The following MUC5AC variants were observed in gnomAD, a reference collection of about 807,000 sequenced individuals.
The protein encoded by MUC5AC is mucin 5AC, oligomeric mucus/gel-forming, also known as mucin-5AC.
Under a neutral mutation model 169.7 loss-of-function variants are expected in MUC5AC, and 158 were observed. That is an observed-to-expected ratio of 0.93 (90% CI 0.82 to 1.06). The LOEUF is 1.06. Ranked by LOEUF, MUC5AC falls within the 50% of genes least tolerant of loss-of-function variation. MUC5AC has a pLI of 0.00. For synonymous variants in MUC5AC, 1,975 were observed against 1,237.0 expected (o/e 1.60, Z -12.52); for missense variants, 4,359 against 3,089.9 (o/e 1.41, Z -9.74).
Position 1,191,601 on chromosome 11 carries a change from A to G in MUC5AC, c.13456A>G (p.Thr4486Ala), listed in dbSNP as rs1861100012. 1.4e-6 allele frequency: 1 copy of G among 720,666 alleles called. No homozygotes were observed. 44.6% of individuals were successfully genotyped at this position (720,666 alleles called of 1,614,324 possible). Residue 4486 changes from threonine (T) to alanine (A), a missense_variant, in exon 31 of 49, where the codon ACC becomes GCC. Thr to Ala is a moderately conservative substitution (Grantham distance 58). Coordinates refer to ENST00000621226, the MANE Select transcript of MUC5AC (RefSeq NM_001304359.2). ...GPGTTPSPVP[T>A]TSTTSAPTTS... ...TGGAACTACTCCCAGCCCTGTTCCC[A>G]CCACCAGCACAACCTCTGCTCCTAC...
In MUC5AC at chr11:1,169,031, G is replaced by A. The variant is rs569442251; in HGVS notation, c.1870+5G>A. 1.3e-4 allele frequency: 202 copies of A among 1,563,350 alleles called. No individual in the cohort carries two copies. The highest frequency in any genetic ancestry group is 9.7e-4 in the Admixed American group (52 of 53,700). On this transcript the variant is annotated splice_donor_5th_base_variant and intron_variant, in intron 15 of 48. Coordinates refer to ENST00000621226, the MANE Select transcript of MUC5AC (RefSeq NM_001304359.2). ...GCTCTCTGAGCGTGGAGAATGGTAC[G>A]GGTGTCCACGGCTCGCCTCTGTGCT...
In MUC5AC at chr11:1,164,247, C is replaced by A. The variant is rs1860236386; in HGVS notation, c.931C>A (p.Leu311Ile). The stretch of plus-strand genomic sequence containing the variant: ...CCTGCTCAGCTGCGTCTGCCACACC[C>A]TTGCCGAGTACTCCCGGCAGTGCAC... ...TDLLSCVCHT[L>I]AEYSRQCTHA... The change falls in exon 8 of 49, where the codon CTT (leucine) becomes ATT (isoleucine). Residue 311 changes from leucine (L) to isoleucine (I), a missense_variant. Transcript: ENST00000621226. 1.9e-6 allele frequency: 3 copies of A among 1,612,690 alleles called. No homozygotes were observed. The highest frequency in any genetic ancestry group is 3.3e-4 in the Middle Eastern group (2 of 6,062).
At position 1,195,088 on chromosome 11, in the gene MUC5AC, C is replaced by G. The variant is rs528628665; in HGVS notation, c.15267C>G (p.Ser5089=). Residue 5089 remains serine (S), a synonymous_variant, in exon 36 of 49, where the codon TCC becomes TCG. Transcript: ENST00000621226. ...GTVVASCSEM[S]GLWNVSIPDQ... ...TGGTCGCTTCCTGCTCCGAGATGTCCGGCCTCTGGAACGTGAGCATACCCG... is the reference window on the plus strand; with the variant it reads ...TGGTCGCTTCCTGCTCCGAGATGTCGGGCCTCTGGAACGTGAGCATACCCG... 4 of 761,354 alleles carry G rather than the reference C, an allele frequency of 5.3e-6. No homozygotes were observed. The highest frequency in any genetic ancestry group is 9.6e-6 in the Non-Finnish European group (4 of 416,472). 47.2% of individuals were successfully genotyped at this position (761,354 alleles called of 1,614,324 possible).
chr11:1,171,556 C>A (rs1455141240), intron 15 of MUC5AC, among the ~76,000 whole-genome samples: 3 of 142,012 alleles, frequency 2.1e-5, no homozygotes, highest in Non-Finnish European at 4.6e-5. Context: ...TACTCAACCA[C>A]CCACTCACCC....
rs1482750766 is a variant in MUC5AC at position 1,189,581 on chromosome 11, A to G, written c.11436A>G (p.Thr3812=). ...AGACCAGCACAATCTCTTCCCCTAC[A>G]ACCAGCACAACCTCCACTCCGCAGA... ...TPQTSTISSP[T]TSTTSTPQTS... The change falls in exon 31 of 49, where the codon ACA becomes ACG. Residue 3812 remains threonine (T), a synonymous_variant. Transcript: ENST00000621226. 2.5e-5 allele frequency: 15 copies of G among 609,482 alleles called. No individual in the cohort carries two copies. The African/African-American group carries it at 2.6e-4, about 11-fold the overall frequency. 37.8% of individuals were successfully genotyped at this position (609,482 alleles called of 1,614,324 possible).
At position 1,161,816 on chromosome 11, in the gene MUC5AC, T is replaced by TG; in HGVS notation, c.212-87dup. 4 of 1,499,080 alleles carry TG rather than the reference T, an allele frequency of 2.7e-6. No individual in the cohort carries two copies. The Admixed American group carries it at 8.2e-5, about 31-fold the overall frequency. The allele number at this position is 1,499,080 out of a possible 1,614,324, so 92.9% of individuals were successfully genotyped here. A position where few individuals can be genotyped will look rare whatever the true frequency, so the allele number is the denominator to read the frequency against. ...GGCAGCAGCACTTCCTGCAGGACCC[T>TG]GGGGAGGGGCAGGAGGTACAGGGCA... is the stretch of plus-strand genomic sequence containing the variant. On this transcript the variant is annotated intron_variant, in intron 3 of 48. Coordinates refer to ENST00000621226, the MANE Select transcript of MUC5AC (RefSeq NM_001304359.2).
rs2133757243 is a variant in MUC5AC, at chr11:1,185,738, T to C, written c.7593T>C (p.Thr2531=). Residue 2531 remains threonine (T), a synonymous_variant, in exon 31 of 49, where the codon ACT becomes ACC. Coordinates refer to ENST00000621226, the MANE Select transcript of MUC5AC (RefSeq NM_001304359.2). Reference sequence around the variant, plus strand: ...GCACAACCTCTGGTGCTGGAACTACTCCCAGCCCTGTTCCCACCACCAGCA... The same window carrying C: ...GCACAACCTCTGGTGCTGGAACTACCCCCAGCCCTGTTCCCACCACCAGCA... ...TTSTTSGAGT[T]PSPVPTTSTT... The C allele has an allele frequency of 7.0e-6, 5 of 709,496 alleles. No homozygotes were observed. The African/African-American group carries it at 8.3e-5, about 12-fold the overall frequency. 44.0% of individuals were successfully genotyped at this position (709,496 alleles called of 1,614,324 possible). A position where few individuals can be genotyped will look rare whatever the true frequency, so the allele number is the denominator to read the frequency against.
intron 15 of MUC5AC, among the ~76,000 whole-genome samples, chr11:1,169,632 TCACC>T: frequency 9.9e-6 from 1 of 101,096 alleles, no homozygotes. Context: ...CCTCACTCAC[TCACC>T]CATTCACCCA....
chr11:1,180,187 G>A (rs1162671026), intron 27 of MUC5AC, 37 bp downstream of exon 27: 13,131 of 398,158 alleles, frequency 0.033, 320 homozygotes, highest in Non-Finnish European at 0.037. Context: ...CCTGGGCTCC[G>A]CCGCCTGTGG....
Position 1,184,601 on chromosome 11 carries a change from A to T in MUC5AC, c.6456A>T (p.Lys2152Asn). ...ACAACATCATCAGGAGTGGGGAAAA[A>T]ATCTGCCGCCGACCTGAGGAGATCA... ...TYNNIIRSGE[K>N]ICRRPEEITR... Residue 2152 changes from lysine to asparagine, a missense_variant, in exon 31 of 49, where the codon AAA becomes AAT. By Grantham distance (94) the Lys-to-Asn change is moderately conservative. Coordinates refer to ENST00000621226, the MANE Select transcript of MUC5AC (RefSeq NM_001304359.2). 1 of 619,722 alleles carries T rather than the reference A, an allele frequency of 1.6e-6. No individual in the cohort carries two copies. The highest frequency in any genetic ancestry group is 2.6e-5 in the East Asian group (1 of 37,940). The allele number at this position is 619,722 out of a possible 1,614,324, so 38.4% of individuals were successfully genotyped here.
chr11:1,172,615 G>A (rs1202216609), intron 16 of MUC5AC, 92 bp downstream of exon 16: 12 of 398,282 alleles, frequency 3.0e-5, no homozygotes, highest in African/African-American at 2.3e-4. Flanking sequence ...GGTGGGCTCA[G>A]CAGGCAGGAC....
intron 15 of MUC5AC, among the ~76,000 whole-genome samples, chr11:1,171,807 T>TTCACTCAC (rs1274750627): frequency 1.1e-5 from 1 of 90,222 alleles, no homozygotes; most frequent in Non-Finnish European, 2.2e-5. Flanking sequence ...CACTCATCCA[T>TTCACTCAC]TCACTCACTC....
chr11:1,199,698 G>T lies in MUC5AC; in HGVS notation c.16519G>T (p.Glu5507Ter). Reference protein sequence around the residue: ...ACPPLSCSLDEARMSKDGCCR... With the variant: ...ACPPLSCSLD The stretch of plus-strand genomic sequence containing the variant: ...GGGCGCCCCTCTGTCGGCACAGGAC[G>T]AGGCCCGCATGAGCAAGGACGGCTG... Residue 5507 changes from glutamate to a stop codon, truncating the protein, a stop_gained, in exon 47 of 49, where the codon GAG becomes TAG. Transcript: ENST00000621226. LOFTEE classifies it high-confidence loss of function. The T allele has an allele frequency of 1.4e-6, 1 of 708,766 alleles. No individual in the cohort carries two copies. Among genetic ancestry groups the T allele is most frequent in the Admixed American group, 2.0e-5 (1 of 50,682 alleles). 43.9% of individuals were successfully genotyped at this position (708,766 alleles called of 1,614,324 possible).
chr11:1,193,853 C>T (rs2133771907), intron 33 of MUC5AC, among the ~76,000 whole-genome samples, 194 bp downstream of exon 33: 1 of 152,364 alleles, frequency 6.6e-6, no homozygotes, highest in South Asian at 2.1e-4. Context: ...GAGTGAATCC[C>T]TGTGAGCCTC....
At position 1,183,458 on chromosome 11, in the gene MUC5AC, C is replaced by G. The variant is rs1225313853; in HGVS notation, c.5313C>G (p.Asn1771Lys). 1.6e-6 allele frequency: 1 copy of G among 610,620 alleles called. No homozygotes were observed. Among genetic ancestry groups the G allele is most frequent in the Non-Finnish European group, 2.9e-6 (1 of 348,236 alleles). The allele number at this position is 610,620 out of a possible 1,614,324, so 37.8% of individuals were successfully genotyped here. ...ATGGTGGAGACAAGGAAACCTACAA[C>G]AACATCATCAGGAGTGGGGAAAAAA... The part of the protein sequence containing the change: ...GPHGGDKETY[N>K]NIIRSGEKIC... Residue 1771 changes from asparagine (N) to lysine (K), a missense_variant, in exon 31 of 49, where the codon AAC becomes AAG. By Grantham distance (94) the Asn-to-Lys change is moderately conservative. Transcript: ENST00000621226.
rs1187161924 is a variant in MUC5AC, at chr11:1,177,527, C to G, written c.2981C>G (p.Thr994Ser). ...GTDESQEVPYTIRQMGIYLVV... is the reference protein window; with the variant it reads ...GTDESQEVPYSIRQMGIYLVV... ...GACGAGAGCCAGGAGGTGCCATACA[C>G]CATCCGGCAGATGGGCATCTACCTG... Residue 994 changes from threonine (T) to serine (S), a missense_variant, in exon 24 of 49, where the codon ACC becomes AGC. Physicochemically the swap from Thr to Ser is moderately conservative, Grantham distance 58. Coordinates refer to ENST00000621226, the MANE Select transcript of MUC5AC (RefSeq NM_001304359.2). The G allele has an allele frequency of 2.5e-6, 1 of 398,730 alleles. No individual in the cohort carries two copies. The highest frequency in any genetic ancestry group is 2.1e-5 in the African/African-American group (1 of 48,734). 24.7% of individuals were successfully genotyped at this position (398,730 alleles called of 1,614,324 possible). A position where few individuals can be genotyped will look rare whatever the true frequency, so the allele number is the denominator to read the frequency against.
In MUC5AC at chr11:1,192,534, G is replaced by A. The variant is rs1369726893; in HGVS notation, c.14380+9G>A. The A allele has an allele frequency of 3.9e-6, 3 of 763,042 alleles. No individual in the cohort carries two copies. The highest frequency in any genetic ancestry group is 7.2e-6 in the Non-Finnish European group (3 of 416,328). 47.3% of individuals were successfully genotyped at this position (763,042 alleles called of 1,614,324 possible). A position where few individuals can be genotyped will look rare whatever the true frequency, so the allele number is the denominator to read the frequency against. On this transcript the variant is annotated intron_variant, in intron 31 of 48. Transcript: ENST00000621226. Reference sequence around the variant, plus strand: ...CCGGCTCTACCCTGCAGGTTCGTGAGTGTTTCTGGTGCAATTGTTTCTGAG... The same window carrying A: ...CCGGCTCTACCCTGCAGGTTCGTGAATGTTTCTGGTGCAATTGTTTCTGAG...
intron 1 of MUC5AC, among the ~76,000 whole-genome samples, chr11:1,160,326 T>C (rs1354243859): frequency 6.6e-6 from 1 of 151,990 alleles, no homozygotes; most frequent in Non-Finnish European, 1.5e-5. Context: ...TGAGTGGGAA[T>C]GAATAGATAG....
intron 30 of MUC5AC, among the ~76,000 whole-genome samples, chr11:1,181,716 C>A (rs1031366610): frequency 6.6e-6 from 1 of 152,128 alleles, no homozygotes; most frequent in African/African-American, 2.4e-5. Flanking sequence ...CAGCAGCCCC[C>A]GGGCCTGGCC....
Sources: allele counts gnomAD v4.1 joint callset (sites outside exome capture counted in the v4.1 genomes callset), GRCh38; gene constraint gnomAD v4.1.1; transcripts MANE v1.5; gene names NCBI Gene and HGNC (gene_info 2026-07-23, HGNC 2026-07-21).